Variants in POM121C observed in about 807,000 individuals in gnomAD.
POM121C encodes POM121 transmembrane nucleoporin C.
A neutral mutation model predicts 66.4 loss-of-function variants in POM121C; 20 were observed. The observed-to-expected ratio is 0.30, with a 90% CI of 0.21 to 0.44. The LOEUF (loss-of-function observed/expected upper bound fraction) is 0.44, where lower values mean the gene tolerates loss of function less well. POM121C is among the 20% of genes least tolerant of loss of function. The pLI is 1.00. For synonymous variants in POM121C, 286 were observed against 528.0 expected, an observed-to-expected ratio of 0.54 and a Z score of 6.28; for missense variants, 580 against 1,225.7, an observed-to-expected ratio of 0.47 and a Z score of 7.87.
At chr7:75,440,363 T>C (rs180779178) in intron 5 of POM121C, among the ~76,000 whole-genome samples, 3,644 of 150,434 alleles carry the variant, frequency 0.024, 59 homozygotes, top group Middle Eastern at 0.11. Flanking sequence ...GTCAGGAGTT[T>C]GAGACCATCC....
At chr7:75,438,921 T>C (rs1218548212) in intron 6 of POM121C, among the ~76,000 whole-genome samples, 3 of 152,258 alleles carry the variant, frequency 2.0e-5, no homozygotes, top group Non-Finnish European at 1.5e-5. Context: ...ATAAAACCTC[T>C]AGTCTCAGCA....
chr7:75,437,891 T>C (rs587714029), intron 6 of POM121C, among the ~76,000 whole-genome samples: 1 of 152,316 alleles, frequency 6.6e-6, no homozygotes, highest in East Asian at 1.9e-4. Flanking sequence ...ATTTATAGAA[T>C]ATTCTGGAAA....
At chr7:75,471,677 A>G (rs1791884385) in intron 3 of POM121C, among the ~76,000 whole-genome samples, 1 of 152,062 alleles carries the variant, frequency 6.6e-6, no homozygotes. Flanking sequence ...GACCCAAGGG[A>G]GTGGGAGCAC....
chr7:75,485,264 T>G (rs1259063018), intron 1 of POM121C, among the ~76,000 whole-genome samples: 167 of 152,272 alleles, frequency 1.1e-3, no homozygotes, highest in Non-Finnish European at 1.3e-3. Context: ...CTAAATTATC[T>G]AACTGAACTT....
intron 3 of POM121C, among the ~76,000 whole-genome samples, chr7:75,460,394 C>T (rs1636639): frequency 0.68 from 96,732 of 142,312 alleles, 32,529 homozygotes; most frequent in East Asian, 0.91. Flanking sequence ...CCCAGCTACT[C>T]GGGAGGCTGA....
rs587625331 is a variant in POM121C, at chr7:75,485,953, C to T, written c.-547G>A. On this transcript the variant is annotated 5_prime_UTR_variant, in exon 1 of 15. Transcript: ENST00000615331. ...GGCGCGCGCGTCTGCTCGCGAGGTCCCCTCCTGTCCACCTCACCAAGGCTG... is the reference window on the plus strand; with the variant it reads ...GGCGCGCGCGTCTGCTCGCGAGGTCTCCTCCTGTCCACCTCACCAAGGCTG... 10 of 498,484 alleles carry T rather than the reference C, an allele frequency of 2.0e-5. No homozygotes were observed. The highest frequency in any genetic ancestry group is 1.1e-4 in the Admixed American group (5 of 47,440). 30.9% of individuals were successfully genotyped at this position (498,484 alleles called of 1,614,324 possible). A position where few individuals can be genotyped will look rare whatever the true frequency, so the allele number is the denominator to read the frequency against.
At chr7:75,461,895 T>A (rs1363991032) in intron 3 of POM121C, among the ~76,000 whole-genome samples, 160 of 150,588 alleles carry the variant, frequency 1.1e-3, no homozygotes, top group Non-Finnish European at 1.9e-3. Flanking sequence ...GGAAAACATA[T>A]TGAATTATGT....
intron 7 of POM121C, among the ~76,000 whole-genome samples, chr7:75,433,899 T>C (rs879956995): frequency 1.3e-5 from 2 of 152,252 alleles, no homozygotes; most frequent in African/African-American, 2.4e-5. Context: ...ATTAAATCCT[T>C]GTATCCATTT....
chr7:75,467,442 G>C (rs1426847602), intron 3 of POM121C, among the ~76,000 whole-genome samples: 1 of 141,242 alleles, frequency 7.1e-6, no homozygotes, highest in Non-Finnish European at 1.5e-5. Flanking sequence ...TGAGGCAGGA[G>C]AATGGTGTGA....
chr7:75,465,551 G>A (rs587606318), intron 3 of POM121C, among the ~76,000 whole-genome samples: 11 of 151,286 alleles, frequency 7.3e-5, no homozygotes, highest in African/African-American at 2.4e-4. Context: ...TCAGGAGTTC[G>A]AGACCAGCCT....
chr7:75,424,770 C>T, intron 10 of POM121C, 142 bp from the exon 11 acceptor site: 3 of 1,311,902 alleles, frequency 2.3e-6, no homozygotes, highest in Non-Finnish European at 3.3e-6. Context: ...GCTGGCCTGG[C>T]CAACATGGTG....
intron 6 of POM121C, among the ~76,000 whole-genome samples, chr7:75,438,547 C>T (rs1790506242): frequency 6.6e-6 from 1 of 152,192 alleles, no homozygotes; most frequent in African/African-American, 2.4e-5. Flanking sequence ...AATGAATTTC[C>T]GTTTGTGTAC....
At chr7:75,482,357 C>T (rs1365113158) in intron 1 of POM121C, among the ~76,000 whole-genome samples, 2 of 152,156 alleles carry the variant, frequency 1.3e-5, no homozygotes, top group African/African-American at 4.8e-5. Flanking sequence ...GAAAGGACTG[C>T]TTGAGGCCAG....
At position 75,448,085 on chromosome 7, in the gene POM121C, G is replaced by A. The variant is rs144163108; in HGVS notation, c.-151-6438C>T. Among the ~76,000 whole-genome samples the A allele has an allele frequency of 5.9e-3, 894 of 151,830 alleles. 19 individuals carry two copies. The highest frequency in any genetic ancestry group is 0.043 in the East Asian group (219 of 5,146). On this transcript the variant is annotated intron_variant, in intron 3 of 14. Transcript: ENST00000615331. ...AACACAAAAATTAGCTAAGCGTAGT[G>A]GCACATGCCTGGAGTCTCAGTTACT...
At chr7:75,435,226 G>A (rs1223173844) in intron 7 of POM121C, among the ~76,000 whole-genome samples, 3 of 152,184 alleles carry the variant, frequency 2.0e-5, no homozygotes, top group African/African-American at 7.2e-5. Context: ...CCAAAGATGA[G>A]TTTCTGTGTA....
rs1198177104 is a variant in POM121C, at chr7:75,421,235, C to T, written c.2743+274G>A. On this transcript the variant is annotated intron_variant, in intron 13 of 14. Coordinates refer to ENST00000615331, the MANE Select transcript of POM121C (RefSeq NM_001099415.3). The stretch of plus-strand genomic sequence containing the variant: ...AAGTGATCCACCCTCCTTGGCCTCC[C>T]AAAATATTGGGATTACAAGCATGAG... 7.8e-6 allele frequency: 8 copies of T among 1,021,862 alleles called. No individual in the cohort carries two copies. In the Admixed American group the frequency reaches 2.5e-4, roughly 32 times the overall value. The allele number at this position is 1,021,862 out of a possible 1,614,324, so 63.3% of individuals were successfully genotyped here.
At chr7:75,479,312 A>G (rs1208217248) in intron 1 of POM121C, among the ~76,000 whole-genome samples, 5 of 152,192 alleles carry the variant, frequency 3.3e-5, no homozygotes, top group Non-Finnish European at 7.3e-5. Flanking sequence ...CTCATTACTT[A>G]AATCTCTTTA....
Position 75,465,895 on chromosome 7 carries a change from C to CAAAAAAAAA in POM121C, c.-152+8800_-152+8808dup, listed in dbSNP as rs35108311. On this transcript the variant is annotated intron_variant, in intron 3 of 14. Transcript: ENST00000615331. Reference sequence around the variant, plus strand: ...CAGGCAACAGAGTGACACCCTGTCTCAAAAAAAAAAAAAAAAAAAAAAAAA... The same window carrying CAAAAAAAAA: ...CAGGCAACAGAGTGACACCCTGTCTCAAAAAAAAAAAAAAAAAAAAAAAAAAAAAAAAAA... Among the ~76,000 whole-genome samples, 2 of 15,222 alleles carry CAAAAAAAAA rather than the reference C, an allele frequency of 1.3e-4. 1 individual carries two copies. The highest frequency in any genetic ancestry group is 2.1e-4 in the Non-Finnish European group (2 of 9,356). 10.0% of individuals were successfully genotyped at this position (15,222 alleles called of 152,430 possible).
Position 75,486,102 on chromosome 7 carries a change from G to T in POM121C, c.-696C>A. On this transcript the variant is annotated 5_prime_UTR_variant, in exon 1 of 15. Coordinates refer to ENST00000615331, the MANE Select transcript of POM121C (RefSeq NM_001099415.3). ...TGGCCCCAGCGCCGCCGGCTCCGGG[G>T]TTCACGCTCGGGGGTCCCAGCTCGA... The T allele has an allele frequency of 2.8e-6, 1 of 361,672 alleles. No individual in the cohort carries two copies. Among genetic ancestry groups the T allele is most frequent in the South Asian group, 2.0e-5 (1 of 49,242 alleles). The allele number at this position is 361,672 out of a possible 1,614,324, so 22.4% of individuals were successfully genotyped here.
Sources: gnomAD v4.1 joint callset for allele counts (sites outside exome capture counted in the v4.1 genomes callset) on GRCh38, gnomAD v4.1.1 for gene constraint, MANE v1.5 for transcripts, NCBI Gene and HGNC (gene_info 2026-07-23, HGNC 2026-07-21) for gene names.